The following ABTB2 variants were observed in gnomAD, a reference collection of about 807,000 sequenced individuals.
The protein encoded by ABTB2 is ankyrin repeat and BTB/POZ domain-containing protein 2.
ABTB2 carries 56 observed loss-of-function variants against 104.1 expected under a neutral mutation model. The ratio of observed to expected loss-of-function variants is 0.54; its 90% confidence interval spans 0.43 to 0.67. The LOEUF (loss-of-function observed/expected upper bound fraction) is 0.67, where lower values mean the gene tolerates loss of function less well. Ranked by LOEUF, ABTB2 falls within the 30% of genes least tolerant of loss-of-function variation. The pLI is 0.00. For synonymous variants in ABTB2, 606 were observed against 608.2 expected, an observed-to-expected ratio of 1.00 and a Z score of 0.05; for missense variants, 1,279 against 1,407.7, an observed-to-expected ratio of 0.91 and a Z score of 1.46.
chr11:34,279,170 G>T (rs749893608), intron 1 of ABTB2, among the ~76,000 whole-genome samples: 7 of 152,206 alleles, frequency 4.6e-5, no homozygotes, highest in Non-Finnish European at 1.0e-4. Flanking sequence ...GAGTGAGATA[G>T]AATGAGCATT....
chr11:34,172,495 A>C (rs1010816754), intron 4 of ABTB2, among the ~76,000 whole-genome samples: 1 of 148,210 alleles, frequency 6.7e-6, no homozygotes, highest in Non-Finnish European at 1.5e-5. Context: ...AAAGGCTCTC[A>C]TGGGCCTAGG....
chr11:34,240,427 T>G (rs1464178372), intron 1 of ABTB2, among the ~76,000 whole-genome samples: 1 of 152,224 alleles, frequency 6.6e-6, no homozygotes, highest in Non-Finnish European at 1.5e-5. Context: ...CGGCTTTGCT[T>G]CCTTCAGTGC....
rs116163031 is a variant in ABTB2 at position 34,299,038 on chromosome 11, C to A, written c.883+57663G>T. On this transcript the variant is annotated intron_variant, in intron 1 of 16. Transcript: ENST00000435224. ...GTCTGCATTAATCCTCTGCTCCATG[C>A]AATGTAGAAAACATTAAGTAAAATT... Among the ~76,000 whole-genome samples, 1,207 of 152,270 alleles carry A rather than the reference C, an allele frequency of 7.9e-3. 12 individuals are homozygous for A. Among genetic ancestry groups the A allele is most frequent in the African/African-American group, 0.027 (1,105 of 41,548 alleles).
chr11:34,356,776 C>G lies in ABTB2; in HGVS notation c.808G>C (p.Val270Leu). 6.2e-7 allele frequency: 1 copy of G among 1,611,382 alleles called. No individual in the cohort carries two copies. The highest frequency in any genetic ancestry group is 8.5e-7 in the Non-Finnish European group (1 of 1,178,924). The change falls in exon 1 of 17, where the codon GTC becomes CTC. Residue 270 changes from valine (V) to leucine (L), a missense_variant. Physicochemically the swap from Val to Leu is conservative, Grantham distance 32. Coordinates refer to ENST00000435224, the MANE Select transcript of ABTB2 (RefSeq NM_145804.3). This position sits in a 1 kb window ranked among gnomAD's most constrained non-coding sequence, Gnocchi z 4.6. ...CAGAGCTCGGCGTCGTTGTTGATGA[C>G]CATCTCCAGGGCCTCAGCAGACACC... ...GEVSAEALEMVINNDAELWGV... is the reference protein window; with the variant it reads ...GEVSAEALEMLINNDAELWGV...
intron 1 of ABTB2, among the ~76,000 whole-genome samples, chr11:34,218,318 C>T (rs1440159198): frequency 6.6e-6 from 1 of 152,108 alleles, no homozygotes. Flanking sequence ...ATTGATTCTT[C>T]CTTTCCTGGA....
At chr11:34,310,287 C>T (rs1854834568) in intron 1 of ABTB2, among the ~76,000 whole-genome samples, 1 of 152,202 alleles carries the variant, frequency 6.6e-6, no homozygotes, top group Non-Finnish European at 1.5e-5. Context: ...AACTTGGCCC[C>T]TGTCCTGTGT....
At chr11:34,259,968 C>A (rs984887972) in intron 1 of ABTB2, among the ~76,000 whole-genome samples, 1 of 152,140 alleles carries the variant, frequency 6.6e-6, no homozygotes, top group Non-Finnish European at 1.5e-5. Context: ...CCACACTTGG[C>A]TAATTTTTTA....
intron 16 of ABTB2, among the ~76,000 whole-genome samples, chr11:34,153,427 C>T (rs545393820): frequency 3.9e-5 from 6 of 152,222 alleles, no homozygotes; most frequent in East Asian, 1.9e-4. Context: ...AGCTGGAGTG[C>T]GCATGATCAC....
chr11:34,154,190 G>T lies in ABTB2; in HGVS notation c.2880+75C>A. On this transcript the variant is annotated intron_variant, in intron 16 of 16. Coordinates refer to ENST00000435224, the MANE Select transcript of ABTB2 (RefSeq NM_145804.3). This position sits in a 1 kb window ranked among gnomAD's most constrained non-coding sequence, Gnocchi z 4.9. ...CTGCATCTCCTAGCTCATCCCCAGT[G>T]CAGCCACACGGCCGAGGCCCCCGTG... 1 of 1,167,894 alleles carries T rather than the reference G, an allele frequency of 8.6e-7. No individual in the cohort carries two copies. The allele number at this position is 1,167,894 out of a possible 1,614,324, so 72.3% of individuals were successfully genotyped here.
chr11:34,177,056 A>T (rs1852968001), intron 3 of ABTB2, among the ~76,000 whole-genome samples: 1 of 152,208 alleles, frequency 6.6e-6, no homozygotes, highest in Middle Eastern at 3.2e-3. Context: ...AACCATCAGC[A>T]TTGGAGACTG....
intron 1 of ABTB2, among the ~76,000 whole-genome samples, chr11:34,222,033 G>A (rs1174181000): frequency 1.3e-5 from 2 of 152,098 alleles, no homozygotes; most frequent in African/African-American, 4.8e-5. Flanking sequence ...GTGACAGAGT[G>A]AGACTCCATC....
chr11:34,315,140 T>G (rs1440191044), intron 1 of ABTB2, among the ~76,000 whole-genome samples: 2 of 152,210 alleles, frequency 1.3e-5, no homozygotes, highest in African/African-American at 4.8e-5. Context: ...TGCATTTGCA[T>G]GAGGCCACGT....
chr11:34,269,500 T>C (rs1359201698), intron 1 of ABTB2, among the ~76,000 whole-genome samples: 1 of 152,134 alleles, frequency 6.6e-6, no homozygotes, highest in Non-Finnish European at 1.5e-5. Context: ...TCTCTAAGGG[T>C]CAGGTAGCAA....
intron 1 of ABTB2, among the ~76,000 whole-genome samples, chr11:34,212,401 C>T (rs1853491998): frequency 6.6e-6 from 1 of 152,184 alleles, no homozygotes; most frequent in South Asian, 2.1e-4. Flanking sequence ...TGGACATGGA[C>T]TACCATGCAT....
intron 1 of ABTB2, among the ~76,000 whole-genome samples, chr11:34,279,789 T>TC (rs199572319): frequency 8.3e-4 from 111 of 134,526 alleles, no homozygotes; most frequent in African/African-American, 1.8e-3. Context: ...TTCTTCTTCT[T>TC]TTTTTTTTTT....
At chr11:34,156,023 C>T (rs1352548204) in intron 14 of ABTB2, among the ~76,000 whole-genome samples, 1 of 152,164 alleles carries the variant, frequency 6.6e-6, no homozygotes, top group African/African-American at 2.4e-5. Context: ...CAGGTCAGAT[C>T]TTCCTGTTGG....
rs35677380 is a variant in ABTB2, at chr11:34,303,636, C to CTTTTTTTT, written c.883+53057_883+53064dup. On this transcript the variant is annotated intron_variant, in intron 1 of 16. Coordinates refer to ENST00000435224, the MANE Select transcript of ABTB2 (RefSeq NM_145804.3). ...CCCTATCTACAAAGAACTATGGGTG[C>CTTTTTTTT]TTTTTTTTTTTTTTTTTTTTTTTTG... Among the ~76,000 whole-genome samples, 3 of 79,120 alleles carry CTTTTTTTT rather than the reference C, an allele frequency of 3.8e-5. 1 individual carries two copies. The highest frequency in any genetic ancestry group is 6.5e-5 in the Non-Finnish European group (3 of 45,928). The allele number at this position is 79,120 out of a possible 152,430, so 51.9% of individuals were successfully genotyped here. A position where few individuals can be genotyped will look rare whatever the true frequency, so the allele number is the denominator to read the frequency against.
rs754010180 is a variant in ABTB2, at chr11:34,197,318, T to A, written c.1244+7A>T. ...CACCAGGTGCTCAGCCCAAGGAAGATCCCTACCGTTCATTGTTCAAGGTCA... is the reference window on the plus strand; with the variant it reads ...CACCAGGTGCTCAGCCCAAGGAAGAACCCTACCGTTCATTGTTCAAGGTCA... On this transcript the variant is annotated splice_region_variant and intron_variant, in intron 3 of 16. Coordinates refer to ENST00000435224, the MANE Select transcript of ABTB2 (RefSeq NM_145804.3). 6.2e-7 allele frequency: 1 copy of A among 1,613,822 alleles called. No individual in the cohort carries two copies. Among genetic ancestry groups the A allele is most frequent in the South Asian group, 1.1e-5 (1 of 91,056 alleles).
chr11:34,275,207 C>A (rs1854369890), intron 1 of ABTB2, among the ~76,000 whole-genome samples: 1 of 152,212 alleles, frequency 6.6e-6, no homozygotes, highest in South Asian at 2.1e-4. Context: ...TCCATGACAG[C>A]ATTCCTTACG....
Sources: allele counts gnomAD v4.1 joint callset (sites outside exome capture counted in the v4.1 genomes callset), GRCh38; gene constraint gnomAD v4.1.1; non-coding constraint Gnocchi (gnomAD v3.1); transcripts MANE v1.5; gene names NCBI Gene and HGNC (gene_info 2026-07-23, HGNC 2026-07-21).